The following NEK1 variants were observed in gnomAD, a reference collection of about 807,000 sequenced individuals.
NEK1 encodes the protein NIMA related kinase 1.
Under a neutral mutation model 182.1 loss-of-function variants are expected in NEK1, and 137 were observed. The ratio of observed to expected loss-of-function variants is 0.75; its 90% confidence interval spans 0.65 to 0.87. The LOEUF (loss-of-function observed/expected upper bound fraction) is 0.87, where lower values mean the gene tolerates loss of function less well. Among genes scored for constraint, NEK1 ranks in the 40% least tolerant of loss-of-function variants. NEK1 has a pLI of 0.00. For synonymous variants in NEK1, 513 were observed against 492.2 expected, an observed-to-expected ratio of 1.04 and a Z score of -0.56; for missense variants, 1,391 against 1,494.4, an observed-to-expected ratio of 0.93 and a Z score of 1.14.
At chr4:169,488,167 C>G (rs1464449993) in intron 23 of NEK1, among the ~76,000 whole-genome samples, 1 of 152,032 alleles carries the variant, frequency 6.6e-6, no homozygotes. Flanking sequence ...TGCAAAAGCT[C>G]TTTAGTTAAT....
intron 5 of NEK1, among the ~76,000 whole-genome samples, chr4:169,597,023 T>C (rs998311981): frequency 6.6e-6 from 1 of 152,090 alleles, no homozygotes; most frequent in African/African-American, 2.4e-5. Context: ...AGAGTACTTA[T>C]CAAAGAGTAG....
rs11270666 is a variant in NEK1, at chr4:169,590,321, T to TAGACAGACAGAC, written c.396+393_396+404dup. Among the ~76,000 whole-genome samples the TAGACAGACAGAC allele has an allele frequency of 6.4e-3, 970 of 151,038 alleles. 10 individuals are homozygous for TAGACAGACAGAC. Among genetic ancestry groups the TAGACAGACAGAC allele is most frequent in the African/African-American group, 0.013 (525 of 40,876 alleles). ...GAGACTCCGTCTCAAAAACAATAGATAGACAGACAGACAGACAGACAGACA... is the reference window on the plus strand; with the variant it reads ...GAGACTCCGTCTCAAAAACAATAGATAGACAGACAGACAGACAGACAGACAGACAGACAGACA... On this transcript the variant is annotated intron_variant, in intron 6 of 35. Coordinates refer to ENST00000507142, the MANE Select transcript of NEK1 (RefSeq NM_001199397.3).
At chr4:169,500,272 G>C (rs1752182344) in intron 23 of NEK1, among the ~76,000 whole-genome samples, 1 of 152,152 alleles carries the variant, frequency 6.6e-6, no homozygotes, top group Non-Finnish European at 1.5e-5. Flanking sequence ...GGGTGGGAGT[G>C]ACCCGATTTT....
At chr4:169,480,371 G>C (rs534893483) in intron 23 of NEK1, among the ~76,000 whole-genome samples, 1 of 152,104 alleles carries the variant, frequency 6.6e-6, no homozygotes, top group African/African-American at 2.4e-5. Flanking sequence ...CGGTAATATT[G>C]CAATAAAGTG....
At chr4:169,432,131 C>T (rs955985355) in intron 29 of NEK1, among the ~76,000 whole-genome samples, 4 of 151,862 alleles carry the variant, frequency 2.6e-5, no homozygotes, top group Admixed American at 2.6e-4. Flanking sequence ...ATGAAACTTA[C>T]ATTTGAAAAG....
chr4:169,555,070 A>AT (rs898553947), intron 18 of NEK1: 6 of 152,300 alleles, frequency 3.9e-5, no homozygotes, highest in African/African-American at 1.4e-4. Flanking sequence ...AAATATGCAT[A>AT]TGTGTAAGTC....
chr4:169,532,589 C>T (rs1757843543), intron 19 of NEK1, among the ~76,000 whole-genome samples: 1 of 151,974 alleles, frequency 6.6e-6, no homozygotes, highest in Non-Finnish European at 1.5e-5. Context: ...TATAGAAAAT[C>T]CTTGTACTTT....
At chr4:169,537,464 T>C (rs192471793) in intron 19 of NEK1, among the ~76,000 whole-genome samples, 36 of 152,270 alleles carry the variant, frequency 2.4e-4, no homozygotes, top group African/African-American at 8.7e-4. Flanking sequence ...ACCAAAAGCA[T>C]ATTGGGGAAA....
chr4:169,400,076 A>G (rs1481662881), intron 35 of NEK1, 149 bp downstream of exon 35: 4 of 803,450 alleles, frequency 5.0e-6, no homozygotes, highest in African/African-American at 3.4e-5. Flanking sequence ...AAAGTACATG[A>G]CAAAGTTAAT....
chr4:169,421,007 A>G (rs908186607), intron 31 of NEK1, among the ~76,000 whole-genome samples: 1 of 152,230 alleles, frequency 6.6e-6, no homozygotes, highest in African/African-American at 2.4e-5. Context: ...TAAGAGCAGT[A>G]AAGAATGTAT....
intron 27 of NEK1, among the ~76,000 whole-genome samples, chr4:169,462,262 G>A (rs930971096): frequency 6.6e-6 from 1 of 151,856 alleles, no homozygotes; most frequent in African/African-American, 2.4e-5. Context: ...CTTGAATAAA[G>A]CCTGGAACAT....
At chr4:169,568,513 T>TA (rs143614158) in intron 12 of NEK1, among the ~76,000 whole-genome samples, 5,202 of 152,254 alleles carry the variant, frequency 0.034, 324 homozygotes, top group African/African-American at 0.12. Flanking sequence ...ACCAATGAAA[T>TA]ACAACTACTG....
At chr4:169,523,471 T>C (rs1481231885) in intron 19 of NEK1, among the ~76,000 whole-genome samples, 2 of 152,092 alleles carry the variant, frequency 1.3e-5, no homozygotes, top group Non-Finnish European at 2.9e-5. Flanking sequence ...ATGCTGATAA[T>C]ATACACCAAG....
In NEK1 at chr4:169,477,151, G is replaced by C. The variant is rs775730147; in HGVS notation, c.2407C>G (p.Leu803Val). 1.9e-6 allele frequency: 3 copies of C among 1,604,260 alleles called. No individual in the cohort carries two copies. Among genetic ancestry groups the C allele is most frequent in the South Asian group, 1.1e-5 (1 of 89,320 alleles). ...QLVIPLDELT[L>V]DTSFSTTERH... ...TCAGTTGTAGAGAAGGATGTATCTAGTGTTAACTCATCCAGAGGAATCACA... is the reference window on the plus strand; with the variant it reads ...TCAGTTGTAGAGAAGGATGTATCTACTGTTAACTCATCCAGAGGAATCACA... The change falls in exon 26 of 36, where the codon CTA becomes GTA. Residue 803 changes from leucine (L) to valine (V), a missense_variant. This residue lies in a region of NEK1 where 1,216 missense variants were observed against 1,277.6 expected (regional missense o/e 0.95). Coordinates refer to ENST00000507142, the MANE Select transcript of NEK1 (RefSeq NM_001199397.3).
At chr4:169,595,708 G>C (rs1350463156) in intron 5 of NEK1, among the ~76,000 whole-genome samples, 2 of 151,950 alleles carry the variant, frequency 1.3e-5, no homozygotes, top group African/African-American at 4.8e-5. Context: ...CGGATCACGA[G>C]GTCAGGAGAT....
chr4:169,487,351 C>T (rs1488360118), intron 23 of NEK1, among the ~76,000 whole-genome samples: 16 of 152,138 alleles, frequency 1.1e-4, no homozygotes, highest in Non-Finnish European at 1.5e-5. Flanking sequence ...GTGTGTTGTT[C>T]CCACCAATGT....
At chr4:169,525,956 A>G (rs1323275715) in intron 19 of NEK1, among the ~76,000 whole-genome samples, 1 of 152,204 alleles carries the variant, frequency 6.6e-6, no homozygotes, top group African/African-American at 2.4e-5. Flanking sequence ...TAAAACCAGT[A>G]ACACTGGAAT....
intron 19 of NEK1, among the ~76,000 whole-genome samples, chr4:169,525,320 G>A (rs1473774534): frequency 1.3e-5 from 2 of 151,858 alleles, no homozygotes; most frequent in Non-Finnish European, 1.5e-5. Flanking sequence ...GTAGAGATGG[G>A]GTTTTATCAT....
intron 19 of NEK1, among the ~76,000 whole-genome samples, chr4:169,513,391 T>C (rs1754518151): frequency 6.6e-6 from 1 of 152,212 alleles, no homozygotes; most frequent in South Asian, 2.1e-4. Flanking sequence ...TGTCAATATA[T>C]ATAAATTCAA....
Sources: allele counts gnomAD v4.1 joint callset (sites outside exome capture counted in the v4.1 genomes callset), GRCh38; gene constraint gnomAD v4.1.1; regional missense constraint gnomAD v4.1.1; transcripts MANE v1.5; gene names NCBI Gene and HGNC (gene_info 2026-07-23, HGNC 2026-07-21).